The following SLC40A1 variants were observed in gnomAD, a reference collection of about 807,000 sequenced individuals.
SLC40A1 encodes solute carrier family 40 member 1.
In SLC40A1, 16 loss-of-function variants were observed where a neutral mutation model predicts 53.5. The ratio of observed to expected loss-of-function variants is 0.30; its 90% CI spans 0.20 to 0.45. SLC40A1 has a LOEUF of 0.45. Ranked by LOEUF, SLC40A1 falls within the 20% of genes least tolerant of loss-of-function variation. The pLI, the probability that SLC40A1 is intolerant of heterozygous loss-of-function variation, is 1.00. For missense variants in SLC40A1, 545 were observed against 695.4 expected (o/e 0.78, Z 2.43); for synonymous variants, 247 against 253.2 (o/e 0.98, Z 0.23).
chr2:189,568,185 A>T (rs1023879517), intron 5 of SLC40A1, among the ~76,000 whole-genome samples: 40 of 140,092 alleles, frequency 2.9e-4, no homozygotes, highest in African/African-American at 1.0e-3. Flanking sequence ...ATGGATAATT[A>T]AAAAAAAAAA....
chr2:189,575,219 A>G lies in SLC40A1; in HGVS notation c.213T>C (p.Ser71=). Residue 71 remains serine (S), a synonymous_variant, in exon 3 of 8, where the codon TCT becomes TCC. Transcript: ENST00000261024. ...CGATGATGGCTCCCAGGACCAGAACAGACCCTGCCACCACCAGCCCGTAGA... is the reference window on the plus strand; with the variant it reads ...CGATGATGGCTCCCAGGACCAGAACGGACCCTGCCACCACCAGCCCGTAGA... The part of the protein sequence containing the change: ...TAVYGLVVAG[S]VLVLGAIIGD... 1 of 1,614,190 alleles carries G rather than the reference A, an allele frequency of 6.2e-7. No individual in the cohort carries two copies. Among genetic ancestry groups the G allele is most frequent in the Admixed American group, 1.7e-5 (1 of 60,032 alleles).
At position 189,564,125 on chromosome 2, in the gene SLC40A1, C is replaced by T; in HGVS notation, c.861G>A (p.Gln287=). 5.0e-6 allele frequency: 8 copies of T among 1,611,436 alleles called. No individual in the cohort carries two copies. Among genetic ancestry groups the T allele is most frequent in the Non-Finnish European group, 6.8e-6 (8 of 1,178,898 alleles). ...GGAAGGTACGGAAGGGCTCAGCCATCTGGGAGGCACAAGTAGGCTCTTGCT... is the reference window on the plus strand; with the variant it reads ...GGAAGGTACGGAAGGGCTCAGCCATTTGGGAGGCACAAGTAGGCTCTTGCT... ...EHEQEPTCAS[Q]MAEPFRTFRD... Residue 287 remains glutamine, a synonymous_variant, in exon 7 of 8, where the codon CAG becomes CAA. Transcript: ENST00000261024.
intron 2 of SLC40A1, among the ~76,000 whole-genome samples, chr2:189,579,188 G>A (rs2031382805): frequency 1.3e-5 from 2 of 152,182 alleles, no homozygotes; most frequent in East Asian, 3.8e-4. Flanking sequence ...AGGGAAAACT[G>A]TAAATCCATT....
chr2:189,580,367 C>G (rs2031420738), intron 1 of SLC40A1, 51 bp downstream of exon 1: 1 of 1,594,098 alleles, frequency 6.3e-7, no homozygotes, highest in Non-Finnish European at 8.6e-7. Flanking sequence ...TTGCTTGTCT[C>G]CAAAGCCCCA....
intron 7 of SLC40A1, 108 bp from the exon 8 acceptor site, chr2:189,562,299 T>C: frequency 1.2e-6 from 1 of 827,276 alleles, no homozygotes; most frequent in Non-Finnish European, 1.9e-6. Flanking sequence ...TTAGCCTGAC[T>C]GTCTTTAAGT....
Position 189,564,011 on chromosome 2 carries a change from G to A in SLC40A1, c.975C>T (p.Asp325=), listed in dbSNP as rs1559010391. Residue 325 remains aspartate, a synonymous_variant, in exon 7 of 8, where the codon GAC becomes GAT. Coordinates refer to ENST00000261024, the MANE Select transcript of SLC40A1 (RefSeq NM_014585.6). ...AFLYMTVLGF[D]CITTGYAYTQ... ...TGTAGGCGTACCCTGTGGTGATGCA[G>A]TCAAAGCCCAGGACAGTCATATAAA... The A allele has an allele frequency of 6.2e-7, 1 of 1,614,114 alleles. No individual in the cohort carries two copies. Among genetic ancestry groups the A allele is most frequent in the Middle Eastern group, 1.6e-4 (1 of 6,062 alleles).
intron 5 of SLC40A1, 122 bp from the exon 6 acceptor site, chr2:189,565,721 T>C: frequency 1.5e-6 from 2 of 1,368,636 alleles, no homozygotes; most frequent in Non-Finnish European, 2.1e-6. Context: ...TTTCTAAAAG[T>C]ACATTTGTAA....
chr2:189,575,382 G>A, intron 2 of SLC40A1, 62 bp from the exon 3 acceptor site: 1 of 1,573,038 alleles, frequency 6.4e-7, no homozygotes, highest in Admixed American at 1.7e-5. Flanking sequence ...ATTGTACTCA[G>A]GAAGTTGCTT....
Position 189,580,708 on chromosome 2 carries a change from G to C in SLC40A1, c.-248C>G. 1 of 1,421,472 alleles carries C rather than the reference G, an allele frequency of 7.0e-7. No homozygotes were observed. Among genetic ancestry groups the C allele is most frequent in the African/African-American group, 1.4e-5 (1 of 69,442 alleles). 88.1% of individuals were successfully genotyped at this position (1,421,472 alleles called of 1,614,324 possible). A position where few individuals can be genotyped will look rare whatever the true frequency, so the allele number is the denominator to read the frequency against. ...GAAGTTGGAAAGGCAAAGCCTTATG[G>C]AAGCGGTTTGGGAGGCTCAGCAGGT... is the stretch of plus-strand genomic sequence containing the variant. On this transcript the variant is annotated 5_prime_UTR_variant, in exon 1 of 8. Coordinates refer to ENST00000261024, the MANE Select transcript of SLC40A1 (RefSeq NM_014585.6).
intron 3 of SLC40A1, 132 bp from the exon 4 acceptor site, chr2:189,573,093 T>C (rs1342064394): frequency 1.3e-6 from 1 of 746,174 alleles, no homozygotes; most frequent in African/African-American, 1.7e-5. Flanking sequence ...AAAGAAAACC[T>C]TTCTGAAGTC....
intron 3 of SLC40A1, 114 bp from the exon 4 acceptor site, chr2:189,573,075 C>G: frequency 2.5e-6 from 2 of 806,574 alleles, no homozygotes; most frequent in Non-Finnish European, 4.3e-6. Flanking sequence ...CTAATTATTA[C>G]CAGATAAAAA....
intron 6 of SLC40A1, 25 bp from the exon 7 acceptor site, chr2:189,564,250 T>C: frequency 1.9e-6 from 3 of 1,609,458 alleles, no homozygotes; most frequent in Non-Finnish European, 1.7e-6. Flanking sequence ...TACCATTATT[T>C]TGTTGGGGAG....
chr2:189,579,600 A>C (rs1478288311), intron 2 of SLC40A1, among the ~76,000 whole-genome samples: 1 of 152,212 alleles, frequency 6.6e-6, no homozygotes, highest in African/African-American at 2.4e-5. Context: ...TATCTACATA[A>C]ACTACGATGA....
intron 2 of SLC40A1, chr2:189,578,106 C>CAT (rs1559015574): frequency 1.5e-5 from 10 of 650,646 alleles, no homozygotes; most frequent in African/African-American, 5.9e-5. Flanking sequence ...ACGGAAAATG[C>CAT]ATATATATAT....
chr2:189,571,477 C>T (rs1237967241), intron 5 of SLC40A1, among the ~76,000 whole-genome samples: 1 of 150,564 alleles, frequency 6.6e-6, no homozygotes, highest in African/African-American at 2.4e-5. Context: ...AAAGTTATTC[C>T]ATTTGCCAAG....
chr2:189,577,615 CT>C (rs11419650), intron 2 of SLC40A1, among the ~76,000 whole-genome samples: 24,889 of 133,280 alleles, frequency 0.19, 2,463 homozygotes, highest in Non-Finnish European at 0.26. Flanking sequence ...ATAGTATCCA[CT>C]TTTTTTTTTT....
In SLC40A1 at chr2:189,563,955, A is replaced by G; in HGVS notation, c.1031T>C (p.Ile344Thr). The G allele has an allele frequency of 6.2e-7, 1 of 1,614,152 alleles. No homozygotes were observed. The highest frequency in any genetic ancestry group is 8.5e-7 in the Non-Finnish European group (1 of 1,180,016). The change falls in exon 7 of 8, where the codon ATT becomes ACT. Residue 344 changes from isoleucine (I) to threonine (T), a missense_variant. Transcript: ENST00000261024. Reference protein sequence around the residue: ...TQGLSGSILSILMGASAITGI... With the variant: ...TQGLSGSILSTLMGASAITGI... ...AGTTATAGCTGATGCTCCCATCAAA[A>G]TACTGAGGATGGAACCACTCAGTCC...
intron 5 of SLC40A1, among the ~76,000 whole-genome samples, chr2:189,565,990 C>T (rs1260208877): frequency 1.3e-5 from 2 of 152,046 alleles, no homozygotes; most frequent in Non-Finnish European, 2.9e-5. Context: ...TTTATATTCT[C>T]ACAGGAAAGA....
chr2:189,576,929 A>G (rs1368064351), intron 2 of SLC40A1, among the ~76,000 whole-genome samples: 3 of 152,194 alleles, frequency 2.0e-5, no homozygotes, highest in African/African-American at 7.2e-5. Context: ...TTTTTCTTGC[A>G]TGCCATACCA....
Sources: gnomAD v4.1 joint callset for allele counts (sites outside exome capture counted in the v4.1 genomes callset) on GRCh38, gnomAD v4.1.1 for gene constraint, MANE v1.5 for transcripts, NCBI Gene and HGNC (gene_info 2026-07-23, HGNC 2026-07-21) for gene names.